Variants in GABRA1 observed in about 807,000 individuals in gnomAD.
GABRA1 encodes the protein gamma-aminobutyric acid receptor subunit alpha-1.
Under a neutral mutation model 48.9 loss-of-function variants are expected in GABRA1, and 9 were observed. The ratio of observed to expected loss-of-function variants is 0.18; its 90% CI spans 0.11 to 0.32. The LOEUF is 0.32. Ranked by LOEUF, GABRA1 falls within the 10% of genes least tolerant of loss-of-function variation. GABRA1 has a pLI of 1.00. For synonymous variants in GABRA1, 210 were observed against 198.7 expected (o/e 1.06, Z -0.48); for missense variants, 285 against 553.8 (o/e 0.51, Z 4.87).
chr5:161,882,603 C>A lies in GABRA1; in HGVS notation c.605C>A (p.Pro202Gln). 3 of 1,613,370 alleles carry A rather than the reference C, an allele frequency of 1.9e-6. No homozygotes were observed. Among genetic ancestry groups the A allele is most frequent in the Non-Finnish European group, 2.5e-6 (3 of 1,179,516 alleles). ...AEVVYEWTRE[P>Q]ARSVVVAEDG... ...GTTGTTTATGAATGGACCAGAGAGC[C>A]AGCACGCTCAGTGGTTGTAGCAGAA... The change falls in exon 7 of 10, where the codon CCA becomes CAA. Residue 202 changes from proline to glutamine, a missense_variant. By Grantham distance (76) the Pro-to-Gln change is moderately conservative (BLOSUM62 -1). Coordinates refer to ENST00000393943, the MANE Select transcript of GABRA1 (RefSeq NM_001127644.2).
intron 4 of GABRA1, among the ~76,000 whole-genome samples, chr5:161,871,418 C>T (rs945359142): frequency 6.6e-5 from 10 of 152,090 alleles, no homozygotes; most frequent in East Asian, 1.9e-4. Flanking sequence ...CAGAAAATTT[C>T]GTCACATATT....
At chr5:161,876,413 G>A (rs1359168447) in intron 6 of GABRA1, among the ~76,000 whole-genome samples, 2 of 152,132 alleles carry the variant, frequency 1.3e-5, no homozygotes, top group Non-Finnish European at 2.9e-5. Context: ...CTGCAGGGGA[G>A]TTATGTACAA....
rs996131814 is a variant in GABRA1, at chr5:161,882,324, T to C, written c.560-234T>C. On this transcript the variant is annotated intron_variant, in intron 6 of 9. Transcript: ENST00000393943. ...TCACTACTGTATCCCCAGCACAGTA[T>C]TTTGTCCTTTGTAGATCCTTATAAC... 5.4e-6 allele frequency: 3 copies of C among 557,364 alleles called. No individual in the cohort carries two copies. In the African/African-American group the frequency reaches 5.7e-5, roughly 11 times the overall value. The allele number at this position is 557,364 out of a possible 1,614,324, so 34.5% of individuals were successfully genotyped here. A position where few individuals can be genotyped will look rare whatever the true frequency, so the allele number is the denominator to read the frequency against.
At chr5:161,871,166 A>G (rs754760965) in intron 4 of GABRA1, among the ~76,000 whole-genome samples, 9 of 152,282 alleles carry the variant, frequency 5.9e-5, no homozygotes, top group Non-Finnish European at 1.0e-4. Flanking sequence ...ACATCTTGTC[A>G]AAGATTTGGT....
At chr5:161,893,784 G>T (rs1755233117) in intron 8 of GABRA1, among the ~76,000 whole-genome samples, 1 of 152,138 alleles carries the variant, frequency 6.6e-6, no homozygotes, top group Non-Finnish European at 1.5e-5. Flanking sequence ...AAAGTACAAG[G>T]AAAGTAAAGT....
chr5:161,896,763 T>C (rs1006364454), intron 9 of GABRA1, among the ~76,000 whole-genome samples: 1 of 152,204 alleles, frequency 6.6e-6, no homozygotes, highest in African/African-American at 2.4e-5. Flanking sequence ...ATACTGTATT[T>C]CCTGGTCACA....
intron 1 of GABRA1, among the ~76,000 whole-genome samples, chr5:161,849,714 T>G (rs535471267): frequency 5.9e-5 from 9 of 152,228 alleles, no homozygotes; most frequent in African/African-American, 2.2e-4. Context: ...AAATATAGAT[T>G]AAATACTTTG....
At chr5:161,857,944 A>G (rs1757712441) in intron 3 of GABRA1, among the ~76,000 whole-genome samples, 1 of 151,328 alleles carries the variant, frequency 6.6e-6, no homozygotes, top group Admixed American at 6.6e-5. Context: ...TAAGGAAAAA[A>G]GGATAAAAGT....
chr5:161,884,803 A>C (rs1754772378), intron 7 of GABRA1, among the ~76,000 whole-genome samples: 1 of 152,188 alleles, frequency 6.6e-6, no homozygotes, highest in African/African-American at 2.4e-5. Flanking sequence ...TTCCTGCTCT[A>C]ATTTTAGCTT....
intron 3 of GABRA1, 59 bp downstream of exon 3, chr5:161,854,329 G>A: frequency 1.1e-6 from 1 of 883,248 alleles, no homozygotes; most frequent in Non-Finnish European, 1.9e-6. Context: ...TACTATCACA[G>A]CCTTAATTTA....
At chr5:161,880,753 T>A (rs1475041594) in intron 6 of GABRA1, among the ~76,000 whole-genome samples, 1 of 152,196 alleles carries the variant, frequency 6.6e-6, no homozygotes, top group Admixed American at 6.5e-5. Context: ...GTAATCACAT[T>A]AGAAGCTTTG....
At chr5:161,871,269 C>T (rs773303316) in intron 4 of GABRA1, among the ~76,000 whole-genome samples, 36 of 151,956 alleles carry the variant, frequency 2.4e-4, no homozygotes, top group Non-Finnish European at 4.4e-4. Flanking sequence ...ACCAAAGGCT[C>T]GATTCATGGG....
chr5:161,876,182 C>CATAT (rs139492840), intron 6 of GABRA1, among the ~76,000 whole-genome samples: 3,262 of 148,592 alleles, frequency 0.022, 41 homozygotes, highest in Middle Eastern at 0.038. Context: ...TCATGGCATT[C>CATAT]ATATATATAT....
At chr5:161,876,321 G>C (rs1338347496) in intron 6 of GABRA1, among the ~76,000 whole-genome samples, 1 of 152,042 alleles carries the variant, frequency 6.6e-6, no homozygotes, top group African/African-American at 2.4e-5. Context: ...TGAGAGTCAG[G>C]TTCTCCGGTC....
intron 4 of GABRA1, among the ~76,000 whole-genome samples, chr5:161,866,116 TG>T (rs1753829359): frequency 1.3e-5 from 2 of 152,080 alleles, no homozygotes; most frequent in Non-Finnish European, 2.9e-5. Flanking sequence ...CAGGCCATGT[TG>T]ATTCAAGGAT....
chr5:161,877,628 A>G (rs538261971), intron 6 of GABRA1, among the ~76,000 whole-genome samples: 2 of 152,332 alleles, frequency 1.3e-5, no homozygotes, highest in African/African-American at 4.8e-5. Context: ...CATTAATCAA[A>G]TGTCTCACAT....
In GABRA1 at chr5:161,865,709, C is replaced by G. The variant is rs1486507520; in HGVS notation, c.188-12C>G. 6.2e-7 allele frequency: 1 copy of G among 1,612,106 alleles called. No homozygotes were observed. Among genetic ancestry groups the G allele is most frequent in the Admixed American group, 1.7e-5 (1 of 59,950 alleles). On this transcript the variant is annotated splice_polypyrimidine_tract_variant and intron_variant, in intron 3 of 9. Coordinates refer to ENST00000393943, the MANE Select transcript of GABRA1 (RefSeq NM_001127644.2). Reference sequence around the variant, plus strand: ...GACAGACACTCACTCGCCCAATTTCCTGCTTCAACAGAGCGTGTAACCGAA... The same window carrying G: ...GACAGACACTCACTCGCCCAATTTCGTGCTTCAACAGAGCGTGTAACCGAA...
At chr5:161,880,956 G>A (rs183977180) in intron 6 of GABRA1, among the ~76,000 whole-genome samples, 2 of 152,276 alleles carry the variant, frequency 1.3e-5, no homozygotes, top group African/African-American at 4.8e-5. Context: ...TGAGCCCTAG[G>A]CACTTTTGCC....
intron 3 of GABRA1, among the ~76,000 whole-genome samples, chr5:161,864,175 T>G (rs929958965): frequency 3.9e-5 from 6 of 152,084 alleles, no homozygotes; most frequent in African/African-American, 1.2e-4. Context: ...AAGGGGCTCA[T>G]TTAAGCAGTT....
Sources: allele counts gnomAD v4.1 joint callset (sites outside exome capture counted in the v4.1 genomes callset), GRCh38; gene constraint gnomAD v4.1.1; transcripts MANE v1.5; gene names NCBI Gene and HGNC (gene_info 2026-07-23, HGNC 2026-07-21).